The following SULT1B1 variants were observed in gnomAD, a reference collection of about 807,000 sequenced individuals.
The protein encoded by SULT1B1 is sulfotransferase family 1B member 1, also known as sulfotransferase 1B1.
In SULT1B1, 28 loss-of-function variants were observed where a neutral mutation model predicts 34.6. The ratio of observed to expected loss-of-function variants is 0.81; its 90% CI spans 0.60 to 1.11. SULT1B1 has a LOEUF of 1.11. SULT1B1 is among the 50% of genes least tolerant of loss of function. The pLI, the probability that SULT1B1 is intolerant of heterozygous loss-of-function variation, is 0.00. For synonymous variants in SULT1B1, 147 were observed against 110.2 expected (o/e 1.33, Z -2.09); for missense variants, 374 against 352.2 (o/e 1.06, Z -0.50).
intron 6 of SULT1B1, among the ~76,000 whole-genome samples, 174 bp downstream of exon 6, chr4:69,733,239 C>A (rs929842133): frequency 2.6e-5 from 4 of 152,058 alleles, no homozygotes; most frequent in Non-Finnish European, 5.9e-5. Flanking sequence ...ATAAATAATT[C>A]TTTTCACAAT....
chr4:69,744,067 C>T (rs537061121), intron 4 of SULT1B1, among the ~76,000 whole-genome samples: 1 of 152,318 alleles, frequency 6.6e-6, no homozygotes, highest in South Asian at 2.1e-4. Flanking sequence ...CTGCTCCCTG[C>T]TTCCGCTGGC....
chr4:69,734,634 C>T (rs1718226605), intron 4 of SULT1B1, among the ~76,000 whole-genome samples: 1 of 151,690 alleles, frequency 6.6e-6, no homozygotes, highest in Non-Finnish European at 1.5e-5. Context: ...TTGAAAATAA[C>T]AAAATTGTGG....
intron 4 of SULT1B1, among the ~76,000 whole-genome samples, chr4:69,739,667 C>A (rs1310755952): frequency 5.3e-5 from 8 of 152,224 alleles, no homozygotes; most frequent in African/African-American, 1.9e-4. Flanking sequence ...AGGTGATTAG[C>A]ATTTGGCTTC....
intron 4 of SULT1B1, among the ~76,000 whole-genome samples, chr4:69,746,041 C>T (rs1038433494): frequency 1.7e-4 from 26 of 152,328 alleles, no homozygotes; most frequent in African/African-American, 6.3e-4. Flanking sequence ...CCCTCAATCT[C>T]TTCCAACTTG....
At position 69,741,800 on chromosome 4, in the gene SULT1B1, C is replaced by G. The variant is rs182254388; in HGVS notation, c.376-7536G>C. On this transcript the variant is annotated intron_variant, in intron 4 of 7. Transcript: ENST00000310613. ...TTTTGGGCAGAAACTGTGGAGTTTT[C>G]TAGCTAAAAAATCATATTGACTATG... Among the ~76,000 whole-genome samples the G allele has an allele frequency of 5.3e-5, 8 of 151,656 alleles. No homozygotes were observed. The East Asian group carries it at 1.5e-3, about 29-fold the overall frequency.
chr4:69,754,106 T>C (rs1054739081), intron 3 of SULT1B1, among the ~76,000 whole-genome samples: 2 of 152,216 alleles, frequency 1.3e-5, no homozygotes, highest in Non-Finnish European at 2.9e-5. Context: ...ATTGTTCGCT[T>C]CCACAGAACC....
At chr4:69,749,972 T>C (rs747162962) in intron 3 of SULT1B1, among the ~76,000 whole-genome samples, 154 bp from the exon 4 acceptor site, 5 of 152,004 alleles carry the variant, frequency 3.3e-5, no homozygotes, top group African/African-American at 2.4e-5. Context: ...ATTACTAGAG[T>C]CAGTATTGTG....
At chr4:69,746,969 G>A (rs531936597) in intron 4 of SULT1B1, among the ~76,000 whole-genome samples, 1 of 152,138 alleles carries the variant, frequency 6.6e-6, no homozygotes, top group Non-Finnish European at 1.5e-5. Flanking sequence ...GGGGACCAAG[G>A]CTTAATTCAG....
At chr4:69,738,051 C>A (rs1434590464) in intron 4 of SULT1B1, among the ~76,000 whole-genome samples, 1 of 152,106 alleles carries the variant, frequency 6.6e-6, no homozygotes, top group East Asian at 1.9e-4. Flanking sequence ...GTCTATTGCT[C>A]CCATCTTTGT....
chr4:69,749,618 A>C, intron 4 of SULT1B1, 103 bp downstream of exon 4: 1 of 760,488 alleles, frequency 1.3e-6, no homozygotes, highest in Non-Finnish European at 2.2e-6. Flanking sequence ...GATTGTTGCA[A>C]GTATATGGTT....
intron 6 of SULT1B1, 69 bp downstream of exon 6, chr4:69,733,344 G>A (rs1425730497): frequency 2.6e-6 from 3 of 1,136,164 alleles, no homozygotes; most frequent in Non-Finnish European, 3.7e-6. Flanking sequence ...AAGTTGGAAA[G>A]CAAATATCAA....
At chr4:69,759,562 T>C (rs1719318641) in intron 1 of SULT1B1, among the ~76,000 whole-genome samples, 1 of 152,154 alleles carries the variant, frequency 6.6e-6, no homozygotes, top group Admixed American at 6.5e-5. Context: ...CTACAGGGTA[T>C]TAGGCATCAA....
At chr4:69,757,149 T>A (rs973171944) in intron 1 of SULT1B1, among the ~76,000 whole-genome samples, 2 of 152,182 alleles carry the variant, frequency 1.3e-5, no homozygotes, top group Admixed American at 6.5e-5. Context: ...TTTAATAATG[T>A]TTTTTCATTT....
intron 4 of SULT1B1, among the ~76,000 whole-genome samples, chr4:69,742,787 T>C (rs764633639): frequency 6.6e-6 from 1 of 152,150 alleles, no homozygotes; most frequent in African/African-American, 2.4e-5. Flanking sequence ...CAGCAATGGG[T>C]GTGTGAGCAA....
At chr4:69,743,010 G>C (rs1452640403) in intron 4 of SULT1B1, among the ~76,000 whole-genome samples, 1 of 152,206 alleles carries the variant, frequency 6.6e-6, no homozygotes, top group Non-Finnish European at 1.5e-5. Flanking sequence ...GCCCTAAAGA[G>C]GGTGTCACAA....
chr4:69,749,256 C>A (rs905172999), intron 4 of SULT1B1, among the ~76,000 whole-genome samples: 1 of 152,004 alleles, frequency 6.6e-6, no homozygotes, highest in Non-Finnish European at 1.5e-5. Context: ...AAAAGTTTCT[C>A]ACACATCACA....
chr4:69,755,929 T>G (rs535240585), intron 1 of SULT1B1, among the ~76,000 whole-genome samples: 1 of 152,330 alleles, frequency 6.6e-6, no homozygotes, highest in African/African-American at 2.4e-5. Flanking sequence ...TTAGGCCATA[T>G]GAAGTTGCCC....
chr4:69,727,797 C>T (rs555548248), intron 7 of SULT1B1, among the ~76,000 whole-genome samples: 54 of 151,942 alleles, frequency 3.6e-4, no homozygotes, highest in African/African-American at 1.1e-3. Context: ...ATCCTGGAAC[C>T]ATGTTTTTTA....
intron 7 of SULT1B1, 108 bp downstream of exon 7, chr4:69,730,393 A>T: frequency 1.0e-6 from 1 of 988,678 alleles, no homozygotes; most frequent in Non-Finnish European, 1.4e-6. Flanking sequence ...ATTTGCTATA[A>T]AGCTTAAACA....
Sources: gnomAD v4.1 joint callset for allele counts (sites outside exome capture counted in the v4.1 genomes callset) on GRCh38, gnomAD v4.1.1 for gene constraint, MANE v1.5 for transcripts, NCBI Gene and HGNC (gene_info 2026-07-23, HGNC 2026-07-21) for gene names.